The following ZNF469 variants were observed in gnomAD, a reference collection of about 807,000 sequenced individuals.
The protein encoded by ZNF469 is zinc finger protein 469.
In ZNF469, 1 loss-of-function variant was observed where a neutral mutation model predicts 1.0. The ratio of observed to expected loss-of-function variants is 1.00; its 90% CI spans 0.35 to 4.73. The LOEUF (loss-of-function observed/expected upper bound fraction) is 4.73. Ranked by LOEUF, ZNF469 falls within the 30% of genes most tolerant of loss-of-function variation. The pLI is 0.16. For missense variants in ZNF469, 6,100 were observed against 5,356.3 expected (o/e 1.14, Z -4.33); for synonymous variants, 2,703 against 2,363.4 (o/e 1.14, Z -4.17).
the ZNF469 span, among the ~76,000 whole-genome samples, chr16:88,240,762 AAC>A: frequency 2.0e-5 from 3 of 152,198 alleles, no homozygotes; most frequent in Non-Finnish European, 2.9e-5. Context: ...AGCCACGGGC[AAC>A]CGCGAGTTGG....
chr16:88,106,771 T>C, the ZNF469 span, among the ~76,000 whole-genome samples: 5 of 152,244 alleles, frequency 3.3e-5, no homozygotes, highest in Non-Finnish European at 7.3e-5. Flanking sequence ...TGGGATGCCA[T>C]GGGACGGAGC....
the ZNF469 span, among the ~76,000 whole-genome samples, chr16:88,250,199 C>T: frequency 2.6e-5 from 4 of 152,216 alleles, no homozygotes. Flanking sequence ...CCTACTGCAC[C>T]TCCGTGGGAC....
At chr16:88,254,526 G>A in the ZNF469 span, among the ~76,000 whole-genome samples, 1 of 152,338 alleles carries the variant, frequency 6.6e-6, no homozygotes, top group African/African-American at 2.4e-5. Flanking sequence ...GGGAGGCCGA[G>A]GTGGGCAGAT....
chr16:88,433,079 G>C lies in ZNF469; in HGVS notation c.5609G>C (p.Gly1870Ala). 1.9e-6 allele frequency: 3 copies of C among 1,550,326 alleles called. No homozygotes were observed. In the East Asian group the frequency reaches 7.3e-5, roughly 38 times the overall value. The change falls in exon 3 of 3, where the codon GGC becomes GCC. Residue 1870 changes from glycine (G) to alanine (A), a missense_variant. By Grantham distance (60) the Gly-to-Ala change is moderately conservative. Transcript: ENST00000565624. ...GCCTCCTCACTGACTGCCCCCCGGG[G>C]CAGGGAGGCTTGGTTGGTCCCTGTG... is the stretch of plus-strand genomic sequence containing the variant. ...AGASSLTAPR[G>A]REAWLVPVPS...
chr16:88,206,157 C>A, the ZNF469 span, among the ~76,000 whole-genome samples: 19 of 152,196 alleles, frequency 1.2e-4, no homozygotes, highest in Non-Finnish European at 2.8e-4. Flanking sequence ...GAGCTGTGCC[C>A]GGAGACGGCA....
the ZNF469 span, among the ~76,000 whole-genome samples, chr16:88,135,569 C>T: frequency 1.9e-4 from 29 of 152,190 alleles, no homozygotes; most frequent in Middle Eastern, 3.4e-3. Context: ...AGGCCCCGCA[C>T]GTTAGCTGTT....
the ZNF469 span, among the ~76,000 whole-genome samples, chr16:88,283,511 C>T: frequency 6.6e-6 from 1 of 152,206 alleles, no homozygotes; most frequent in Non-Finnish European, 1.5e-5. Context: ...CAGTGGGTCA[C>T]TGGATGTGTG....
chr16:88,126,552 G>A, the ZNF469 span, among the ~76,000 whole-genome samples: 38 of 134,380 alleles, frequency 2.8e-4, 1 homozygote, highest in Admixed American at 2.4e-3. Flanking sequence ...TGATCTTATT[G>A]TTTTTCTCCT....
the ZNF469 span, among the ~76,000 whole-genome samples, chr16:88,162,127 C>T: frequency 2.0e-5 from 3 of 152,138 alleles, no homozygotes; most frequent in African/African-American, 7.2e-5. Flanking sequence ...AAGAGCCACA[C>T]ATCTCCACAT....
the ZNF469 span, among the ~76,000 whole-genome samples, chr16:88,362,905 C>T: frequency 6.6e-6 from 1 of 152,162 alleles, no homozygotes; most frequent in South Asian, 2.1e-4. Context: ...ATTTTGACTT[C>T]CATCTTTATC....
chr16:88,331,440 C>A, the ZNF469 span, among the ~76,000 whole-genome samples: 2 of 150,246 alleles, frequency 1.3e-5, no homozygotes, highest in Admixed American at 1.3e-4. Context: ...ACCATCATAA[C>A]CATCATAATC....
the ZNF469 span, among the ~76,000 whole-genome samples, chr16:88,214,805 C>T: frequency 6.6e-6 from 1 of 152,318 alleles, no homozygotes; most frequent in Admixed American, 6.5e-5. Context: ...TATCCAGCTT[C>T]ATCCACGTCC....
chr16:88,434,534 T>C lies in ZNF469; in HGVS notation c.7064T>C (p.Leu2355Pro), dbSNP rs770790427. 3 of 1,550,136 alleles carry C rather than the reference T, an allele frequency of 1.9e-6. No individual in the cohort carries two copies. Among genetic ancestry groups the C allele is most frequent in the Non-Finnish European group, 2.6e-6 (3 of 1,146,940 alleles). ...GCTGTGCCCACTGAGCCTCCCACGC[T>C]ACAGGGTGCAGGGCCGGACTCCCCC... The part of the protein sequence containing the change: ...VTAVPTEPPT[L>P]QGAGPDSPAC... The change falls in exon 3 of 3, where the codon CTA becomes CCA. Residue 2355 changes from leucine to proline, a missense_variant. Physicochemically the swap from Leu to Pro is moderately conservative, Grantham distance 98 (BLOSUM62 -3). Transcript: ENST00000565624.
chr16:88,289,490 G>A, the ZNF469 span, among the ~76,000 whole-genome samples: 5 of 152,298 alleles, frequency 3.3e-5, no homozygotes, highest in South Asian at 6.2e-4. Context: ...CTGTGACTGC[G>A]AGTTATTGAG....
the ZNF469 span, among the ~76,000 whole-genome samples, chr16:88,367,389 C>A: frequency 6.6e-6 from 1 of 152,186 alleles, no homozygotes; most frequent in Admixed American, 6.5e-5. Flanking sequence ...AGTGACGGAG[C>A]TGTGATTAGC....
the ZNF469 span, among the ~76,000 whole-genome samples, chr16:88,251,070 G>A: frequency 6.6e-6 from 1 of 152,152 alleles, no homozygotes; most frequent in Non-Finnish European, 1.5e-5. Context: ...TAGAGACGGG[G>A]TTTCACCTTA....
chr16:88,431,456 CACCCGTGGCTA>C lies in ZNF469; in HGVS notation c.3991_4001del (p.Val1331LeufsTer21). On this transcript the variant is annotated frameshift_variant, in exon 3 of 3. Coordinates refer to ENST00000565624, the MANE Select transcript of ZNF469 (RefSeq NM_001367624.2). LOFTEE classifies it low-confidence loss of function (END_TRUNC). ...GCCCGCCAGCCTGGAGAATTTCTGG[CACCCGTGGCTA>C]ACCCCTCAAGTACCGCCTGCCCCAA... The C allele has an allele frequency of 6.5e-7, 1 of 1,550,372 alleles. No homozygotes were observed. Among genetic ancestry groups the C allele is most frequent in the Non-Finnish European group, 8.7e-7 (1 of 1,146,974 alleles).
At chr16:88,126,297 T>G in the ZNF469 span, among the ~76,000 whole-genome samples, 3 of 150,026 alleles carry the variant, frequency 2.0e-5, no homozygotes, top group African/African-American at 7.4e-5. Context: ...CTTTTTATTG[T>G]TTGTTTCTGT....
At chr16:88,249,382 A>G in the ZNF469 span, among the ~76,000 whole-genome samples, 2 of 143,510 alleles carry the variant, frequency 1.4e-5, no homozygotes, top group Admixed American at 1.4e-4. Context: ...GGACTACACC[A>G]CAACTGCCAT....
Sources: allele counts gnomAD v4.1 joint callset (sites outside exome capture counted in the v4.1 genomes callset), GRCh38; gene constraint gnomAD v4.1.1; transcripts MANE v1.5; gene names NCBI Gene and HGNC (gene_info 2026-07-23, HGNC 2026-07-21).